The following SNX24 variants were observed in gnomAD, a reference collection of about 807,000 sequenced individuals.
SNX24 encodes sorting nexin 24.
In SNX24, 22 loss-of-function variants were observed where a neutral mutation model predicts 28.7. The ratio of observed to expected loss-of-function variants is 0.77; its 90% CI spans 0.55 to 1.10. The LOEUF (loss-of-function observed/expected upper bound fraction) is 1.10, where lower values mean the gene tolerates loss of function less well. Among genes scored for constraint, SNX24 ranks in the 50% least tolerant of loss-of-function variants. SNX24 has a pLI of 0.00. For missense variants in SNX24, 221 were observed against 201.1 expected (o/e 1.10, Z -0.60); for synonymous variants, 69 against 71.5 (o/e 0.96, Z 0.18).
chr5:122,981,238 C>A (rs754986952), intron 3 of SNX24, among the ~76,000 whole-genome samples: 1 of 152,160 alleles, frequency 6.6e-6, no homozygotes, highest in African/African-American at 2.4e-5. Flanking sequence ...ATTAGCTTTT[C>A]ATCAGAAAAA....
At chr5:123,003,446 TTAAA>T (rs557292774) in intron 6 of SNX24, among the ~76,000 whole-genome samples, 10 of 152,056 alleles carry the variant, frequency 6.6e-5, no homozygotes, top group South Asian at 6.2e-4. Flanking sequence ...CTAATATAGA[TTAAA>T]TAGATAGTTT....
intron 3 of SNX24, among the ~76,000 whole-genome samples, chr5:122,980,661 T>C (rs1323817567): frequency 6.6e-6 from 1 of 151,090 alleles, no homozygotes; most frequent in Non-Finnish European, 1.5e-5. Context: ...CTTGAAATGC[T>C]GGTGTGCTCA....
chr5:122,856,063 C>A (rs573965882), intron 1 of SNX24, among the ~76,000 whole-genome samples: 1 of 152,164 alleles, frequency 6.6e-6, no homozygotes, highest in African/African-American at 2.4e-5. Flanking sequence ...TATTTCATCA[C>A]CCAAGTAATG....
chr5:122,918,872 T>C (rs868648306), intron 1 of SNX24, among the ~76,000 whole-genome samples: 2 of 152,178 alleles, frequency 1.3e-5, no homozygotes, highest in Admixed American at 1.3e-4. Context: ...GGCTAAAACG[T>C]GATTTAAGAG....
intron 3 of SNX24, among the ~76,000 whole-genome samples, chr5:122,975,308 T>G (rs1465908971): frequency 1.3e-5 from 2 of 152,196 alleles, no homozygotes; most frequent in African/African-American, 4.8e-5. Context: ...CATACTTGGT[T>G]TTGATGATAT....
At chr5:122,937,466 A>G (rs1315109997) in intron 2 of SNX24, among the ~76,000 whole-genome samples, 2 of 152,202 alleles carry the variant, frequency 1.3e-5, no homozygotes, top group Non-Finnish European at 2.9e-5. Flanking sequence ...AGAAGAGTAA[A>G]TGCTTCTTTA....
At chr5:122,860,807 AG>A (rs1364089729) in intron 1 of SNX24, among the ~76,000 whole-genome samples, 1 of 152,038 alleles carries the variant, frequency 6.6e-6, no homozygotes, top group Non-Finnish European at 1.5e-5. Flanking sequence ...TGTGTTAGCC[AG>A]GATGGTCTCG....
intron 1 of SNX24, among the ~76,000 whole-genome samples, chr5:122,881,018 A>G (rs1052604552): frequency 2.0e-5 from 3 of 152,194 alleles, no homozygotes; most frequent in Non-Finnish European, 4.4e-5. Context: ...GCGATTTGTC[A>G]TGTCCCTGCT....
intron 1 of SNX24, among the ~76,000 whole-genome samples, chr5:122,848,885 CT>C (rs897676480): frequency 1.3e-5 from 2 of 151,962 alleles, no homozygotes; most frequent in Non-Finnish European, 2.9e-5. Flanking sequence ...TGAGCACATA[CT>C]TTTTTTTCTT....
intron 1 of SNX24, among the ~76,000 whole-genome samples, chr5:122,896,246 C>G (rs192913330): frequency 6.6e-6 from 1 of 152,332 alleles, no homozygotes; most frequent in East Asian, 1.9e-4. Context: ...TTGTAATTCC[C>G]TTTCCCCATT....
At chr5:122,986,321 C>T (rs1761602012) in intron 3 of SNX24, among the ~76,000 whole-genome samples, 1 of 152,110 alleles carries the variant, frequency 6.6e-6, no homozygotes, top group African/African-American at 2.4e-5. Context: ...GAATTTTCAC[C>T]TCATCAGCCT....
At chr5:123,018,875 T>TG (rs776197804) in intron 5 of SNX24, among the ~76,000 whole-genome samples, 2 of 152,070 alleles carry the variant, frequency 1.3e-5, no homozygotes, top group Non-Finnish European at 2.9e-5. Flanking sequence ...TTAGTAGCAA[T>TG]GGGGTTTCAC....
intron 1 of SNX24, among the ~76,000 whole-genome samples, chr5:122,848,139 GTCACC>G (rs1754726123): frequency 6.6e-6 from 1 of 152,130 alleles, no homozygotes; most frequent in Non-Finnish European, 1.5e-5. Flanking sequence ...ATCTTGCTCT[GTCACC>G]CAGGCTGGAG....
At chr5:123,019,880 T>TA (rs1259240346) in intron 5 of SNX24, among the ~76,000 whole-genome samples, 1 of 152,388 alleles carries the variant, frequency 6.6e-6, no homozygotes, top group South Asian at 2.1e-4. Context: ...ATGTTTTCTG[T>TA]ATGAGGCCTG....
intron 3 of SNX24, among the ~76,000 whole-genome samples, chr5:122,956,716 T>C (rs577575597): frequency 3.3e-5 from 5 of 152,328 alleles, no homozygotes; most frequent in Non-Finnish European, 1.5e-5. Flanking sequence ...GGGTTTTTTA[T>C]ATTAGTCGTA....
chr5:122,861,378 G>A (rs763630885), intron 1 of SNX24, among the ~76,000 whole-genome samples: 6 of 152,090 alleles, frequency 3.9e-5, no homozygotes, highest in African/African-American at 9.7e-5. Flanking sequence ...CCAGCCCTGC[G>A]AAGTATTACT....
At chr5:122,951,270 AAAAAAAAAAAAAG>A (rs1276676236) in intron 3 of SNX24, among the ~76,000 whole-genome samples, 2 of 149,682 alleles carry the variant, frequency 1.3e-5, no homozygotes, top group East Asian at 1.9e-4. Context: ...CTGTCTCAAA[AAAAAAAAAAAAAG>A]AAAAAGAAAA....
intron 1 of SNX24, among the ~76,000 whole-genome samples, chr5:122,903,102 C>T (rs1466805671): frequency 6.6e-6 from 1 of 151,774 alleles, no homozygotes; most frequent in Non-Finnish European, 1.5e-5. Context: ...CTCCTTTGTA[C>T]GTTTTTTTGT....
At chr5:122,855,544 G>C (rs1002282755) in intron 1 of SNX24, among the ~76,000 whole-genome samples, 3 of 152,188 alleles carry the variant, frequency 2.0e-5, no homozygotes, top group African/African-American at 7.2e-5. Flanking sequence ...ACTTAGAGAG[G>C]CCAAGGCAGG....
Sources: allele counts gnomAD v4.1 joint callset (sites outside exome capture counted in the v4.1 genomes callset), GRCh38; gene constraint gnomAD v4.1.1; transcripts MANE v1.5; gene names NCBI Gene and HGNC (gene_info 2026-07-23, HGNC 2026-07-21).